CEP97: variants seen among roughly 807,000 people sequenced by gnomAD.
CEP97 encodes centrosomal protein of 97 kDa.
In CEP97, 43 loss-of-function variants were observed where a neutral mutation model predicts 73.1. The ratio of observed to expected loss-of-function variants is 0.59; its 90% CI spans 0.46 to 0.76. The LOEUF (loss-of-function observed/expected upper bound fraction) is 0.76. CEP97 is among the 30% of genes least tolerant of loss of function. CEP97 has a pLI of 0.00. For missense variants in CEP97, 939 were observed against 1,014.0 expected, an observed-to-expected ratio of 0.93 and a Z score of 1.00; for synonymous variants, 337 against 370.0, an observed-to-expected ratio of 0.91 and a Z score of 1.02.
chr3:101,750,098 G>A (rs1367971940), intron 6 of CEP97, among the ~76,000 whole-genome samples: 1 of 141,466 alleles, frequency 7.1e-6, no homozygotes, highest in Non-Finnish European at 1.6e-5. Context: ...GTAATGCCTA[G>A]GTTTTCTTCT....
chr3:101,742,320 G>C (rs1035462699), intron 6 of CEP97, among the ~76,000 whole-genome samples: 14 of 152,206 alleles, frequency 9.2e-5, no homozygotes, highest in Admixed American at 3.3e-4. Context: ...CAATAGCAAA[G>C]ACTTGGAACC....
intron 9 of CEP97, 87 bp downstream of exon 9, chr3:101,758,510 G>A: frequency 6.8e-7 from 1 of 1,479,270 alleles, no homozygotes; most frequent in Non-Finnish European, 9.2e-7. Context: ...GTGCTTCTGT[G>A]ATTATAACAC....
chr3:101,726,763 T>A (rs754839881), intron 2 of CEP97, 27 bp downstream of exon 2: 75 of 1,509,126 alleles, frequency 5.0e-5, no homozygotes, highest in Non-Finnish European at 6.4e-5. Context: ...GGGAAATGGT[T>A]ACATAGGATC....
At chr3:101,744,632 A>G (rs996413190) in intron 6 of CEP97, among the ~76,000 whole-genome samples, 4 of 141,304 alleles carry the variant, frequency 2.8e-5, no homozygotes, top group Non-Finnish European at 4.7e-5. Context: ...AGGAACTTAG[A>G]TGGTTGGTGC....
At chr3:101,763,131 C>T (rs1379452432) in intron 10 of CEP97, 4 of 1,211,428 alleles carry the variant, frequency 3.3e-6, no homozygotes, top group Non-Finnish European at 4.3e-6. Context: ...GCCATATTGC[C>T]CAGGCCGGTC....
intron 6 of CEP97, among the ~76,000 whole-genome samples, chr3:101,752,262 C>A (rs1191885684): frequency 6.6e-6 from 1 of 152,168 alleles, no homozygotes; most frequent in Non-Finnish European, 1.5e-5. Flanking sequence ...GCCGAGAGAT[C>A]CGCTGTTAGT....
intron 6 of CEP97, among the ~76,000 whole-genome samples, chr3:101,739,636 A>G (rs953257157): frequency 3.9e-5 from 6 of 152,252 alleles, no homozygotes; most frequent in Admixed American, 3.3e-4. Flanking sequence ...GGCGGGGCGC[A>G]GTGGCTCACG....
chr3:101,731,810 T>G, intron 4 of CEP97, 30 bp from the exon 5 acceptor site: 1 of 1,261,744 alleles, frequency 7.9e-7, no homozygotes, highest in Non-Finnish European at 1.2e-6. Flanking sequence ...AATCTTTTCA[T>G]TTGTAATTCA....
chr3:101,756,979 C>A, intron 7 of CEP97, 84 bp from the exon 8 acceptor site: 2 of 1,314,188 alleles, frequency 1.5e-6, no homozygotes, highest in African/African-American at 1.5e-5. Context: ...AAACTTCTGC[C>A]TTTTTGACAT....
chr3:101,733,173 A>G (rs1576678174), intron 6 of CEP97, among the ~76,000 whole-genome samples: 2 of 152,294 alleles, frequency 1.3e-5, no homozygotes, highest in South Asian at 2.1e-4. Context: ...TAGTAGTCTT[A>G]GTGCCCTACA....
At chr3:101,725,098 C>T (rs550161414) in intron 1 of CEP97, among the ~76,000 whole-genome samples, 1 of 152,360 alleles carries the variant, frequency 6.6e-6, no homozygotes, top group African/African-American at 2.4e-5. Context: ...TCACACATCT[C>T]CCTCTCTTCT....
In CEP97 at chr3:101,733,631, C is replaced by G. The variant is rs556080633; in HGVS notation, c.728+977C>G. The stretch of plus-strand genomic sequence containing the variant: ...CTGCAAGCTCCGCCTCCCGGGTTCA[C>G]GCCATTCTCCTGCCTCAGCCTCCCG... On this transcript the variant is annotated intron_variant, in intron 6 of 10. Transcript: ENST00000341893. Among the ~76,000 whole-genome samples the G allele has an allele frequency of 9.6e-3, 1,446 of 150,688 alleles. 21 individuals carry two copies. The highest frequency in any genetic ancestry group is 0.033 in the African/African-American group (1,371 of 41,194).
chr3:101,728,761 C>T, intron 3 of CEP97, 75 bp from the exon 4 acceptor site: 1 of 926,382 alleles, frequency 1.1e-6, no homozygotes, highest in East Asian at 2.4e-5. Flanking sequence ...ACTCTTTCAG[C>T]TGCAAAGAAC....
At chr3:101,750,891 G>GT (rs772120043) in intron 6 of CEP97, among the ~76,000 whole-genome samples, 18 of 152,222 alleles carry the variant, frequency 1.2e-4, no homozygotes, top group South Asian at 6.2e-4. Context: ...TGTTTGAAGG[G>GT]TTTTTTGTGT....
At chr3:101,749,147 C>A (rs2107168504) in intron 6 of CEP97, among the ~76,000 whole-genome samples, 1 of 108,314 alleles carries the variant, frequency 9.2e-6, no homozygotes, top group Middle Eastern at 6.8e-3. Flanking sequence ...CTCCCCCCTC[C>A]CCCCACCCCA....
At position 101,762,523 on chromosome 3, in the gene CEP97, T is replaced by G; in HGVS notation, c.1856T>G (p.Phe619Cys). ...AGAGATGAAGAACGTATTAAAAAAT[T>G]TGTACAAGAAGAAGCTTTCAGATTC... is the stretch of plus-strand genomic sequence containing the variant. Reference protein sequence around the residue: ...KERDEERIKKFVQEEAFRFLW... With the variant: ...KERDEERIKKCVQEEAFRFLW... Residue 619 changes from phenylalanine (F) to cysteine (C), a missense_variant, in exon 10 of 11, where the codon TTT (phenylalanine) becomes TGT (cysteine). By Grantham distance (205) the Phe-to-Cys change is radical. Transcript: ENST00000341893. 4 of 1,611,562 alleles carry G rather than the reference T, an allele frequency of 2.5e-6. No individual in the cohort carries two copies. The Middle Eastern group carries it at 5.0e-4, about 200-fold the overall frequency.
chr3:101,753,743 T>C (rs1369621732), intron 6 of CEP97, among the ~76,000 whole-genome samples: 1 of 152,238 alleles, frequency 6.6e-6, no homozygotes, highest in African/African-American at 2.4e-5. Context: ...CACCGTTTTT[T>C]AAGCCCGTTG....
intron 6 of CEP97, among the ~76,000 whole-genome samples, chr3:101,745,323 G>A (rs1938579451): frequency 6.6e-6 from 1 of 152,148 alleles, no homozygotes; most frequent in Admixed American, 6.5e-5. Context: ...TGCAGTGACA[G>A]GATCACAGCT....
chr3:101,756,590 C>T (rs1293784639), intron 7 of CEP97, among the ~76,000 whole-genome samples: 1 of 151,916 alleles, frequency 6.6e-6, no homozygotes, highest in African/African-American at 2.4e-5. Context: ...GTTGCTCAGG[C>T]TGATCTTGAA....
Sources: gnomAD v4.1 joint callset for allele counts (sites outside exome capture counted in the v4.1 genomes callset) on GRCh38, gnomAD v4.1.1 for gene constraint, MANE v1.5 for transcripts, NCBI Gene and HGNC (gene_info 2026-07-23, HGNC 2026-07-21) for gene names.